Variants in AKAP6 observed in about 807,000 individuals in gnomAD.
The protein encoded by AKAP6 is A-kinase anchor protein 6.
A neutral mutation model predicts 188.5 loss-of-function variants in AKAP6; 58 were observed. The observed-to-expected ratio is 0.31, with a 90% CI of 0.25 to 0.38. AKAP6 has a LOEUF of 0.38. Among genes scored for constraint, AKAP6 ranks in the 10% least tolerant of loss-of-function variants. The pLI is 1.00. For missense variants in AKAP6, 2,710 were observed against 2,740.0 expected (o/e 0.99, Z 0.24); for synonymous variants, 989 against 998.6 (o/e 0.99, Z 0.18).
intron 5 of AKAP6, among the ~76,000 whole-genome samples, chr14:32,586,701 A>G (rs1885266179): frequency 6.6e-6 from 1 of 152,246 alleles, no homozygotes; most frequent in South Asian, 2.1e-4. Flanking sequence ...ATTCGAAGTC[A>G]ATAAATATAG....
At chr14:32,790,150 A>G (rs2033564682) in intron 12 of AKAP6, among the ~76,000 whole-genome samples, 1 of 152,250 alleles carries the variant, frequency 6.6e-6, no homozygotes, top group Non-Finnish European at 1.5e-5. Flanking sequence ...TTCTAAAATA[A>G]TACAGGCAGA....
At chr14:32,707,283 A>T (rs762302802) in intron 9 of AKAP6, among the ~76,000 whole-genome samples, 4 of 152,144 alleles carry the variant, frequency 2.6e-5, no homozygotes, top group Non-Finnish European at 5.9e-5. Context: ...ATGCATATAT[A>T]AATAACTGTA....
At chr14:32,630,881 G>A (rs377597467) in intron 7 of AKAP6, among the ~76,000 whole-genome samples, 3 of 152,056 alleles carry the variant, frequency 2.0e-5, no homozygotes, top group Middle Eastern at 6.8e-3. Context: ...AAATGACAAG[G>A]TTGGCTAACA....
rs1360117525 is a variant in AKAP6 at position 32,832,927 on chromosome 14, A to G, written c.*3122A>G. 2 of 152,666 alleles carry G rather than the reference A, an allele frequency of 1.3e-5. No individual in the cohort carries two copies. The highest frequency in any genetic ancestry group is 2.9e-5 in the Non-Finnish European group (2 of 68,040). 9.5% of individuals were successfully genotyped at this position (152,666 alleles called of 1,614,324 possible). ...AATGTTAACAGACAGAATTCTTCAC[A>G]TTAAGGAACTGTCTTCATCATCATA... On this transcript the variant is annotated 3_prime_UTR_variant, in exon 14 of 14. Transcript: ENST00000280979.
At chr14:32,786,561 TG>T (rs1041222761) in intron 12 of AKAP6, among the ~76,000 whole-genome samples, 1 of 152,004 alleles carries the variant, frequency 6.6e-6, no homozygotes, top group Non-Finnish European at 1.5e-5. Flanking sequence ...CCTGACCTCG[TG>T]ATCTGCCTGC....
chr14:32,804,634 C>T (rs2034040695), intron 12 of AKAP6, among the ~76,000 whole-genome samples: 1 of 152,114 alleles, frequency 6.6e-6, no homozygotes, highest in South Asian at 2.1e-4. Context: ...CAACAGAAAA[C>T]AGAGTTCGAG....
At chr14:32,698,996 C>T (rs1279446539) in intron 9 of AKAP6, among the ~76,000 whole-genome samples, 2 of 152,102 alleles carry the variant, frequency 1.3e-5, no homozygotes, top group Admixed American at 1.3e-4. Context: ...CATCACTCAA[C>T]CCCTTTCCTG....
At chr14:32,633,580 C>T (rs1336438522) in intron 7 of AKAP6, among the ~76,000 whole-genome samples, 1 of 152,068 alleles carries the variant, frequency 6.6e-6, no homozygotes, top group Non-Finnish European at 1.5e-5. Context: ...GGAGCCATTG[C>T]ATGTCTCCGC....
chr14:32,770,067 A>G (rs558960809), intron 11 of AKAP6, among the ~76,000 whole-genome samples: 5 of 152,336 alleles, frequency 3.3e-5, no homozygotes, highest in African/African-American at 9.6e-5. Flanking sequence ...TGGTTTAAAC[A>G]GTTGAAAAGA....
chr14:32,571,449 G>C (rs1884483365), intron 4 of AKAP6, among the ~76,000 whole-genome samples: 1 of 152,130 alleles, frequency 6.6e-6, no homozygotes, highest in Non-Finnish European at 1.5e-5. Flanking sequence ...AGAATTCCTT[G>C]AGCTCAGGAG....
At chr14:32,591,369 T>G (rs962817270) in intron 5 of AKAP6, among the ~76,000 whole-genome samples, 3 of 151,232 alleles carry the variant, frequency 2.0e-5, no homozygotes, top group Non-Finnish European at 4.4e-5. Context: ...GGAGCCACCG[T>G]CAACATTCAG....
At chr14:32,669,293 G>A (rs1889077613) in intron 7 of AKAP6, among the ~76,000 whole-genome samples, 1 of 152,146 alleles carries the variant, frequency 6.6e-6, no homozygotes, top group African/African-American at 2.4e-5. Flanking sequence ...TCTGTAGAAG[G>A]AAGCTTTGGC....
intron 9 of AKAP6, among the ~76,000 whole-genome samples, chr14:32,723,745 A>G (rs1463064328): frequency 6.6e-6 from 1 of 152,178 alleles, no homozygotes; most frequent in Non-Finnish European, 1.5e-5. Context: ...ATGCCTGCTT[A>G]TCTCTTACTG....
intron 2 of AKAP6, among the ~76,000 whole-genome samples, chr14:32,462,508 T>C (rs1213389795): frequency 6.6e-6 from 1 of 152,160 alleles, no homozygotes; most frequent in African/African-American, 2.4e-5. Context: ...AATAAAATTC[T>C]TTATAGACAG....
At chr14:32,722,502 T>C (rs1409446067) in intron 9 of AKAP6, among the ~76,000 whole-genome samples, 1 of 152,132 alleles carries the variant, frequency 6.6e-6, no homozygotes, top group Non-Finnish European at 1.5e-5. Context: ...ATTCCTGTTT[T>C]CCTGCCCGAA....
chr14:32,725,634 C>T (rs1382453701), intron 9 of AKAP6, among the ~76,000 whole-genome samples: 1 of 151,966 alleles, frequency 6.6e-6, no homozygotes, highest in Non-Finnish European at 1.5e-5. Context: ...GACTGCAGAC[C>T]TACAGACCAT....
At chr14:32,421,232 T>C (rs749335026) in intron 1 of AKAP6, among the ~76,000 whole-genome samples, 8 of 152,128 alleles carry the variant, frequency 5.3e-5, no homozygotes, top group Non-Finnish European at 1.0e-4. Context: ...TGGCAACTCA[T>C]GTCCTTCATT....
intron 3 of AKAP6, among the ~76,000 whole-genome samples, chr14:32,537,486 G>A (rs1882736133): frequency 6.6e-6 from 1 of 152,148 alleles, no homozygotes; most frequent in Admixed American, 6.5e-5. Flanking sequence ...CAGAGATGAG[G>A]AAGGTTTGTA....
intron 2 of AKAP6, among the ~76,000 whole-genome samples, chr14:32,518,003 AG>A (rs1881611205): frequency 6.6e-6 from 1 of 152,198 alleles, no homozygotes; most frequent in Non-Finnish European, 1.5e-5. Context: ...AAGCTTCCAG[AG>A]GAAGGATCAG....
Sources: gnomAD v4.1 joint callset for allele counts (sites outside exome capture counted in the v4.1 genomes callset) on GRCh38, gnomAD v4.1.1 for gene constraint, MANE v1.5 for transcripts, NCBI Gene and HGNC (gene_info 2026-07-23, HGNC 2026-07-21) for gene names.